UEVLD: variants seen among roughly 807,000 people sequenced by gnomAD.
UEVLD encodes UEV and lactate/malate dehyrogenase domains.
In UEVLD, 47 loss-of-function variants were observed where a neutral mutation model predicts 58.6. That is an observed-to-expected ratio of 0.80 (90% CI 0.63 to 1.02). The LOEUF is 1.02. Ranked by LOEUF, UEVLD falls within the 50% of genes least tolerant of loss-of-function variation. The pLI is 0.00. For missense variants in UEVLD, 510 were observed against 550.6 expected (o/e 0.93, Z 0.74); for synonymous variants, 197 against 195.3 (o/e 1.01, Z -0.07).
intron 7 of UEVLD, among the ~76,000 whole-genome samples, chr11:18,550,317 C>T (rs1222517542): frequency 7.2e-5 from 11 of 152,144 alleles, no homozygotes; most frequent in Admixed American, 7.2e-4. Context: ...CCTACATAAA[C>T]TTGTGATGCA....
intron 6 of UEVLD, among the ~76,000 whole-genome samples, chr11:18,560,732 C>T (rs144300326): frequency 1.4e-4 from 22 of 152,186 alleles, no homozygotes; most frequent in Non-Finnish European, 2.6e-4. Flanking sequence ...AGATTTTGGC[C>T]GGGCATGGTG....
Position 18,532,119 on chromosome 11 carries a change from C to A in UEVLD, c.*201G>T. On this transcript the variant is annotated 3_prime_UTR_variant, in exon 12 of 12. Transcript: ENST00000396197. ...AACAGCATAGATATCTCAAGAACCC[C>A]AAATAAAATTAATTTTTCCCCTCCT... is the stretch of plus-strand genomic sequence containing the variant. 4.8e-6 allele frequency: 2 copies of A among 416,316 alleles called. No homozygotes were observed. Among genetic ancestry groups the A allele is most frequent in the South Asian group, 6.4e-5 (1 of 15,618 alleles). The allele number at this position is 416,316 out of a possible 1,614,324, so 25.8% of individuals were successfully genotyped here.
chr11:18,585,150 C>T (rs1853477337), intron 1 of UEVLD, among the ~76,000 whole-genome samples: 1 of 151,972 alleles, frequency 6.6e-6, no homozygotes. Context: ...CTTGGCCTCC[C>T]AAAGTGCTGA....
At chr11:18,579,208 C>G (rs539074031) in intron 1 of UEVLD, among the ~76,000 whole-genome samples, 48 of 152,206 alleles carry the variant, frequency 3.2e-4, no homozygotes, top group African/African-American at 1.2e-3. Context: ...GTGGTAGGCC[C>G]TGAGCTCTGC....
chr11:18,551,422 C>G (rs969940964), intron 7 of UEVLD, among the ~76,000 whole-genome samples: 1 of 67,384 alleles, frequency 1.5e-5, no homozygotes, highest in Non-Finnish European at 3.0e-5. Flanking sequence ...GACTCCATCA[C>G]AAAAAAAAAA....
chr11:18,564,291 C>G (rs1263726241), intron 6 of UEVLD, among the ~76,000 whole-genome samples: 1 of 152,008 alleles, frequency 6.6e-6, no homozygotes, highest in East Asian at 1.9e-4. Context: ...TACAGCTATT[C>G]TATTCAGGGC....
In UEVLD at chr11:18,547,840, G is replaced by T. The variant is rs976467240; in HGVS notation, c.716-790C>A. On this transcript the variant is annotated intron_variant, in intron 7 of 11. Coordinates refer to ENST00000396197, the MANE Select transcript of UEVLD (RefSeq NM_001040697.4). Reference sequence around the variant, plus strand: ...TACTTTGGCCTATCCAAGCAGAATAGTGGTGCTTTTTAAAAATCTGTTTTA... The same window carrying T: ...TACTTTGGCCTATCCAAGCAGAATATTGGTGCTTTTTAAAAATCTGTTTTA... Among the ~76,000 whole-genome samples, 71 of 152,064 alleles carry T rather than the reference G, an allele frequency of 4.7e-4. 1 individual carries two copies. The highest frequency in any genetic ancestry group is 1.0e-4 in the Non-Finnish European group (7 of 68,024).
chr11:18,558,237 T>A lies in UEVLD; in HGVS notation c.706A>T (p.Ile236Phe). 1 of 1,611,886 alleles carries A rather than the reference T, an allele frequency of 6.2e-7. No homozygotes were observed. The highest frequency in any genetic ancestry group is 1.7e-5 in the Admixed American group (1 of 59,766). ...AGCAGAATAAACAGACCTTTGCTGA[T>A]CTCCACATTAGGAAGGTTGAAGATT... ...LEIFNLPNVE[I>F]SKDLSASAHS... Residue 236 changes from isoleucine to phenylalanine, a missense_variant, in exon 7 of 12, where the codon ATC becomes TTC. Transcript: ENST00000396197.
rs539006646 is a variant in UEVLD, at chr11:18,583,213, T to C, written c.43-4405A>G. ...TACTTGGATTACAGGCGTGAGCCAT[T>C]GTGCCCAGCTTTTTTTTTTTTTTTT... On this transcript the variant is annotated intron_variant, in intron 1 of 11. Coordinates refer to ENST00000396197, the MANE Select transcript of UEVLD (RefSeq NM_001040697.4). Among the ~76,000 whole-genome samples the C allele has an allele frequency of 9.2e-3, 1,159 of 125,520 alleles. 14 individuals carry two copies. Among genetic ancestry groups the C allele is most frequent in the African/African-American group, 0.033 (1,106 of 33,548 alleles). 82.3% of individuals were successfully genotyped at this position (125,520 alleles called of 152,430 possible).
In UEVLD at chr11:18,578,823, ATAAGCATGGAG is replaced by A; in HGVS notation, c.43-26_43-16del. ...CTGAACTTGTACTGAAAAGAGAAAA[ATAAGCATGGAG>A]TAAGAATAAAGCTGTAAGCAAAAGA... is the stretch of plus-strand genomic sequence containing the variant. On this transcript the variant is annotated splice_polypyrimidine_tract_variant and intron_variant, in intron 1 of 11. Coordinates refer to ENST00000396197, the MANE Select transcript of UEVLD (RefSeq NM_001040697.4). The A allele has an allele frequency of 6.5e-7, 1 of 1,541,692 alleles. No homozygotes were observed. The highest frequency in any genetic ancestry group is 8.8e-7 in the Non-Finnish European group (1 of 1,133,770).
chr11:18,557,417 G>C (rs1441741613), intron 7 of UEVLD, among the ~76,000 whole-genome samples: 1 of 152,082 alleles, frequency 6.6e-6, no homozygotes, highest in Non-Finnish European at 1.5e-5. Context: ...TTCCCAAAGT[G>C]CTGGGATTAC....
At chr11:18,576,418 C>A (rs1166860748) in intron 2 of UEVLD, among the ~76,000 whole-genome samples, 2 of 151,604 alleles carry the variant, frequency 1.3e-5, no homozygotes, top group Non-Finnish European at 2.9e-5. Flanking sequence ...CCCAGCTGCT[C>A]GGGAGGCTGA....
chr11:18,569,836 T>C (rs945211707), intron 4 of UEVLD: 1 of 160,806 alleles, frequency 6.2e-6, no homozygotes, highest in South Asian at 1.7e-4. Flanking sequence ...ATTCAACTTA[T>C]ATGAAAGTCA....
Position 18,531,129 on chromosome 11 carries a change from A to G in UEVLD, c.*1191T>C, listed in dbSNP as rs1199778067. On this transcript the variant is annotated 3_prime_UTR_variant, in exon 12 of 12. Transcript: ENST00000396197. ...GGGTCTTTTGATAACTATTTTGGCT[A>G]TTAAGCCTTTTCCCCCTTTTAGTGC... is the stretch of plus-strand genomic sequence containing the variant. The G allele has an allele frequency of 1.3e-5, 2 of 152,174 alleles. No individual in the cohort carries two copies. Among genetic ancestry groups the G allele is most frequent in the East Asian group, 1.9e-4 (1 of 5,190 alleles). The allele number at this position is 152,174 out of a possible 1,614,324, so 9.4% of individuals were successfully genotyped here.
At position 18,570,279 on chromosome 11, in the gene UEVLD, A is replaced by G. The variant is rs1852529788; in HGVS notation, c.292T>C (p.Leu98=). ...FLKPTANMGI[L]VGKHVDAQGR... ...TGAGCATCCACATGTTTTCCGACTA[A>G]GATTCCCATATTTGCAGTTGGCTTC... The change falls in exon 4 of 12, where the codon TTA becomes CTA. Residue 98 remains leucine, a synonymous_variant. Coordinates refer to ENST00000396197, the MANE Select transcript of UEVLD (RefSeq NM_001040697.4). 5 of 1,603,514 alleles carry G rather than the reference A, an allele frequency of 3.1e-6. No homozygotes were observed. Among genetic ancestry groups the G allele is most frequent in the Non-Finnish European group, 4.2e-6 (5 of 1,176,824 alleles).
At chr11:18,553,014 G>A (rs887140794) in intron 7 of UEVLD, among the ~76,000 whole-genome samples, 2 of 151,964 alleles carry the variant, frequency 1.3e-5, no homozygotes, top group African/African-American at 4.8e-5. Flanking sequence ...AGTTAGCCAG[G>A]CATGGTGGCA....
intron 6 of UEVLD, among the ~76,000 whole-genome samples, chr11:18,562,019 T>C (rs1006376615): frequency 1.3e-5 from 2 of 152,192 alleles, no homozygotes; most frequent in Non-Finnish European, 2.9e-5. Context: ...GTACTATCAC[T>C]GTTGCAGTCA....
chr11:18,568,993 C>T (rs1293794380), intron 4 of UEVLD, among the ~76,000 whole-genome samples: 1 of 152,060 alleles, frequency 6.6e-6, no homozygotes, highest in Non-Finnish European at 1.5e-5. Context: ...CTTCTGAGTT[C>T]ACACCATTCT....
At chr11:18,568,563 T>A (rs1852411995) in intron 4 of UEVLD, among the ~76,000 whole-genome samples, 1 of 152,220 alleles carries the variant, frequency 6.6e-6, no homozygotes, top group South Asian at 2.1e-4. Context: ...ATTTTTATTA[T>A]GCCCCATTCA....
Sources: gnomAD v4.1 joint callset for allele counts (sites outside exome capture counted in the v4.1 genomes callset) on GRCh38, gnomAD v4.1.1 for gene constraint, MANE v1.5 for transcripts, NCBI Gene and HGNC (gene_info 2026-07-23, HGNC 2026-07-21) for gene names.